The following PLXNA4 variants were observed in gnomAD, a reference collection of about 807,000 sequenced individuals.
PLXNA4 encodes the protein plexin-A4.
A neutral mutation model predicts 191.8 loss-of-function variants in PLXNA4; 44 were observed. The observed-to-expected ratio is 0.23, with a 90% CI of 0.18 to 0.29. PLXNA4 has a LOEUF of 0.29. Among genes scored for constraint, PLXNA4 ranks in the 10% least tolerant of loss-of-function variants. The probability of loss-of-function intolerance (pLI) is 1.00; values close to 1 mark genes in which losing one functional copy is unlikely to be tolerated. For synonymous variants in PLXNA4, 1,082 were observed against 1,009.5 expected (o/e 1.07, Z -1.36); for missense variants, 1,800 against 2,488.8 (o/e 0.72, Z 5.89).
intron 3 of PLXNA4, among the ~76,000 whole-genome samples, chr7:132,429,240 G>A (rs1160156416): frequency 1.3e-5 from 2 of 152,200 alleles, no homozygotes; most frequent in East Asian, 1.9e-4. Context: ...CTTTGTCCAT[G>A]TGCAGGCTCC....
intron 3 of PLXNA4, chr7:132,484,942 C>T (rs756974108): frequency 5.0e-6 from 8 of 1,614,164 alleles, no homozygotes; most frequent in South Asian, 4.4e-5. Context: ...AAGCAATGTT[C>T]GCCCCAGGTG....
chr7:132,261,451 C>T (rs1166870703), intron 4 of PLXNA4, among the ~76,000 whole-genome samples: 1 of 152,204 alleles, frequency 6.6e-6, no homozygotes, highest in Non-Finnish European at 1.5e-5. Context: ...TGCCCAGGCC[C>T]ATCTGTGCGT....
At chr7:132,456,402 T>C (rs1299680619) in intron 3 of PLXNA4, among the ~76,000 whole-genome samples, 1 of 152,164 alleles carries the variant, frequency 6.6e-6, no homozygotes, top group Non-Finnish European at 1.5e-5. Flanking sequence ...TGTGAGCCAC[T>C]GCACCCAGCC....
chr7:132,246,012 G>A (rs985833845), intron 4 of PLXNA4, among the ~76,000 whole-genome samples: 2 of 152,106 alleles, frequency 1.3e-5, no homozygotes, highest in South Asian at 4.2e-4. Context: ...GATGGAGGGT[G>A]GTGATGCTTG....
chr7:132,466,614 C>T (rs1012632163), intron 3 of PLXNA4, among the ~76,000 whole-genome samples: 1 of 152,124 alleles, frequency 6.6e-6, no homozygotes, highest in African/African-American at 2.4e-5. Flanking sequence ...TCCCAAGATG[C>T]AAGGATGGAG....
At chr7:132,254,690 C>A (rs2117096388) in intron 4 of PLXNA4, among the ~76,000 whole-genome samples, 1 of 152,170 alleles carries the variant, frequency 6.6e-6, no homozygotes, top group East Asian at 1.9e-4. Flanking sequence ...CTTCCATCTG[C>A]CAGGAGCTGA....
chr7:132,202,862 G>T, intron 11 of PLXNA4, 26 bp from the exon 12 acceptor site: 3 of 1,513,224 alleles, frequency 2.0e-6, no homozygotes, highest in Non-Finnish European at 2.7e-6. Context: ...GCAAGGACAA[G>T]GGGTGCTTGG....
chr7:132,298,366 G>T (rs188059938), intron 3 of PLXNA4, 144 bp from the exon 4 acceptor site: 1 of 1,153,610 alleles, frequency 8.7e-7, no homozygotes, highest in South Asian at 1.6e-5. Context: ...CCAAGGAGTG[G>T]AGTGACATAA....
chr7:132,179,777 G>A lies in PLXNA4; in HGVS notation c.3784C>T (p.Arg1262Cys), dbSNP rs1339626384. The A allele has an allele frequency of 1.9e-6, 3 of 1,614,050 alleles. No individual in the cohort carries two copies. The highest frequency in any genetic ancestry group is 2.2e-5 in the East Asian group (1 of 44,846). Residue 1262 changes from arginine to cysteine, a missense_variant, in exon 20 of 32, where the codon CGC (arginine) becomes TGC (cysteine). Arg to Cys is a radical substitution (Grantham distance 180). Transcript: ENST00000321063. Reference sequence around the variant, plus strand: ...GTGAGGTCACTTTCGCGGGACTTGCGTTTATAGGCAATGAGCACGGCCACG... The same window carrying A: ...GTGAGGTCACTTTCGCGGGACTTGCATTTATAGGCAATGAGCACGGCCACG... The part of the protein sequence containing the change: ...FIVAVLIAYK[R>C]KSRESDLTLK...
intron 4 of PLXNA4, among the ~76,000 whole-genome samples, chr7:132,293,625 A>T (rs1194659162): frequency 6.6e-6 from 1 of 152,228 alleles, no homozygotes; most frequent in African/African-American, 2.4e-5. Flanking sequence ...CCTGCTGCAG[A>T]TACCAAACAG....
intron 3 of PLXNA4, among the ~76,000 whole-genome samples, chr7:132,398,828 T>C (rs1451828921): frequency 6.6e-6 from 1 of 152,148 alleles, no homozygotes; most frequent in Non-Finnish European, 1.5e-5. Flanking sequence ...GCAGGTGTCA[T>C]TGTCATGATG....
intron 2 of PLXNA4, among the ~76,000 whole-genome samples, chr7:132,637,870 G>A (rs1373949914): frequency 6.6e-6 from 1 of 152,194 alleles, no homozygotes; most frequent in Non-Finnish European, 1.5e-5. Flanking sequence ...CCTGAGACAG[G>A]AAGCTTGTAC....
intron 24 of PLXNA4, among the ~76,000 whole-genome samples, chr7:132,163,493 A>G (rs982563438): frequency 6.6e-6 from 1 of 152,214 alleles, no homozygotes; most frequent in African/African-American, 2.4e-5. Context: ...CTGTTGGTCG[A>G]AGGCAGAGCC....
intron 4 of PLXNA4, among the ~76,000 whole-genome samples, chr7:132,279,377 C>T (rs1800394719): frequency 6.6e-6 from 1 of 152,154 alleles, no homozygotes. Flanking sequence ...CATGGTGGCT[C>T]ACACACTTTG....
intron 2 of PLXNA4, among the ~76,000 whole-genome samples, chr7:132,611,439 CA>C (rs1262543001): frequency 6.6e-6 from 1 of 152,192 alleles, no homozygotes; most frequent in Non-Finnish European, 1.5e-5. Context: ...CTTCAGACTT[CA>C]AAAGTGACAG....
At chr7:132,615,966 T>TCTCTCTCTCTCTCTCTCTCTCTCTC (rs1285560133) in intron 2 of PLXNA4, among the ~76,000 whole-genome samples, 12 of 145,860 alleles carry the variant, frequency 8.2e-5, no homozygotes, top group Non-Finnish European at 1.2e-4. Context: ...TCTCTCTCTA[T>TCTCTCTCTCTCTCTCTCTCTCTCTC]TCCCCACCGC....
intron 1 of PLXNA4, among the ~76,000 whole-genome samples, chr7:132,519,750 A>C (rs1042102894): frequency 4.6e-5 from 7 of 152,210 alleles, no homozygotes; most frequent in African/African-American, 1.2e-4. Flanking sequence ...CCAGTCATGC[A>C]TCAGCCAGTG....
At chr7:132,150,534 C>T (rs1053945214) in intron 25 of PLXNA4, among the ~76,000 whole-genome samples, 4 of 152,146 alleles carry the variant, frequency 2.6e-5, no homozygotes, top group Non-Finnish European at 5.9e-5. Flanking sequence ...AAAAAAGGAG[C>T]CAGCATTCTG....
At chr7:132,211,715 G>A (rs1237901511) in intron 9 of PLXNA4, among the ~76,000 whole-genome samples, 1 of 152,220 alleles carries the variant, frequency 6.6e-6, no homozygotes, top group Admixed American at 6.5e-5. Context: ...AATCCAGAAA[G>A]CTTCTGACCA....
Sources: allele counts gnomAD v4.1 joint callset (sites outside exome capture counted in the v4.1 genomes callset), GRCh38; gene constraint gnomAD v4.1.1; transcripts MANE v1.5; gene names NCBI Gene and HGNC (gene_info 2026-07-23, HGNC 2026-07-21).